Variants in DCUN1D4 observed in about 807,000 individuals in gnomAD.
DCUN1D4 encodes DCN1-like protein 4.
Under a neutral mutation model 47.9 loss-of-function variants are expected in DCUN1D4, and 22 were observed. That is an observed-to-expected ratio of 0.46 (90% CI 0.33 to 0.66). DCUN1D4 has a LOEUF of 0.66. Ranked by LOEUF, DCUN1D4 falls within the 30% of genes least tolerant of loss-of-function variation. The pLI is 0.02. For missense variants in DCUN1D4, 301 were observed against 340.8 expected (o/e 0.88, Z 0.92); for synonymous variants, 121 against 112.2 (o/e 1.08, Z -0.50).
upstream of DCUN1D4, chr4:51,843,050 C>T: frequency 2.9e-6 from 4 of 1,383,762 alleles, no homozygotes; most frequent in Non-Finnish European, 3.7e-6. Flanking sequence ...TATGGGCACT[C>T]CTTTTGTCAA....
chr4:51,903,091 G>A (rs1357279966), intron 8 of DCUN1D4, among the ~76,000 whole-genome samples: 1 of 151,990 alleles, frequency 6.6e-6, no homozygotes, highest in African/African-American at 2.4e-5. Context: ...GTCTTTTATT[G>A]TTACTCAGAA....
In DCUN1D4 at chr4:51,843,189, C is replaced by T. The variant is rs935178921; in HGVS notation, c.-54C>T. The T allele has an allele frequency of 2.0e-6, 3 of 1,535,968 alleles. No individual in the cohort carries two copies. The East Asian group carries it at 7.6e-5, about 39-fold the overall frequency. ...GAGGTGCAGTGAGCTGGTGGGGGGA[C>T]CGCGAGGCGAGCGCGGGAGCCTGGG... On this transcript the variant is annotated 5_prime_UTR_variant, in exon 1 of 11. Coordinates refer to ENST00000334635, the MANE Select transcript of DCUN1D4 (RefSeq NM_001040402.3).
At chr4:51,890,053 A>G (rs1026380299) in intron 6 of DCUN1D4, among the ~76,000 whole-genome samples, 1 of 150,174 alleles carries the variant, frequency 6.7e-6, no homozygotes, top group Non-Finnish European at 1.5e-5. Context: ...GAGGAAAACC[A>G]TAAAGTCAGC....
chr4:51,871,157 CTTAG>C (rs1021372416), intron 3 of DCUN1D4, among the ~76,000 whole-genome samples: 30 of 150,690 alleles, frequency 2.0e-4, no homozygotes, highest in South Asian at 1.9e-3. Context: ...AGTCATGCCT[CTTAG>C]TTAGGAGATA....
At chr4:51,891,954 A>G (rs995079024) in intron 7 of DCUN1D4, 103 bp downstream of exon 7, 4 of 904,356 alleles carry the variant, frequency 4.4e-6, no homozygotes, top group Non-Finnish European at 6.9e-6. Flanking sequence ...GAAGGAAGTC[A>G]GGTGGTCTGG....
chr4:51,834,099 C>CTTTTTTTTTTTTTTTTTTTTTTTTTTT, the DCUN1D4 span, among the ~76,000 whole-genome samples: 2 of 40,830 alleles, frequency 4.9e-5, no homozygotes, highest in African/African-American at 5.2e-4. Flanking sequence ...TTCTTTTCTT[C>CTTTTTTTTTTTTTTTTTTTTTTTTTTT]TTTCTTTTTT....
At chr4:51,853,879 G>A (rs1438185261) in intron 1 of DCUN1D4, among the ~76,000 whole-genome samples, 2 of 152,164 alleles carry the variant, frequency 1.3e-5, no homozygotes, top group African/African-American at 4.8e-5. Flanking sequence ...CTTCCTGCTC[G>A]CCTATGACAT....
chr4:51,911,728 A>C (rs984737036), intron 9 of DCUN1D4, among the ~76,000 whole-genome samples: 9 of 152,046 alleles, frequency 5.9e-5, no homozygotes, highest in African/African-American at 2.2e-4. Flanking sequence ...TTATTCCATC[A>C]TTGTTTGTGT....
intron 6 of DCUN1D4, among the ~76,000 whole-genome samples, chr4:51,890,607 A>T (rs1730272574): frequency 6.6e-6 from 1 of 152,208 alleles, no homozygotes; most frequent in African/African-American, 2.4e-5. Context: ...AATGGTCCTA[A>T]GAAGGCCCTG....
intron 6 of DCUN1D4, chr4:51,887,107 C>CT (rs750921506): frequency 0.028 from 9,993 of 362,936 alleles, 1 homozygote; most frequent in East Asian, 0.042. Context: ...GAAGTGATTG[C>CT]TTTTTTTTTT....
At chr4:51,866,152 T>C (rs767549767) in intron 3 of DCUN1D4, among the ~76,000 whole-genome samples, 6 of 152,174 alleles carry the variant, frequency 3.9e-5, no homozygotes, top group Admixed American at 2.0e-4. Flanking sequence ...CTTCACCTGA[T>C]CATTCCATAT....
chr4:51,868,792 T>G (rs1280825783), intron 3 of DCUN1D4, among the ~76,000 whole-genome samples: 1 of 152,096 alleles, frequency 6.6e-6, no homozygotes, highest in African/African-American at 2.4e-5. Context: ...TGGCTAATCT[T>G]GGAGAAATAG....
At position 51,915,583 on chromosome 4, in the gene DCUN1D4, AG is replaced by A. The variant is rs754195536; in HGVS notation, c.*2000del. On this transcript the variant is annotated 3_prime_UTR_variant, in exon 11 of 11. Coordinates refer to ENST00000334635, the MANE Select transcript of DCUN1D4 (RefSeq NM_001040402.3). ...TCAAAATTATTCCATAAAGTTAAAA[AG>A]TTACACTTTAAAGGCAACAGGTCAT... 2.6e-5 allele frequency: 4 copies of A among 152,676 alleles called. No homozygotes were observed. Among genetic ancestry groups the A allele is most frequent in the Middle Eastern group, 6.8e-3 (2 of 294 alleles). The allele number at this position is 152,676 out of a possible 1,614,324, so 9.5% of individuals were successfully genotyped here. A position where few individuals can be genotyped will look rare whatever the true frequency, so the allele number is the denominator to read the frequency against.
chr4:51,862,734 C>T (rs113604959), intron 1 of DCUN1D4, among the ~76,000 whole-genome samples: 14 of 152,070 alleles, frequency 9.2e-5, no homozygotes, highest in Non-Finnish European at 1.3e-4. Flanking sequence ...TGAGGCTGCG[C>T]GTAGTGGCCC....
At chr4:51,884,329 A>G (rs1729134717) in intron 5 of DCUN1D4, 1 of 152,100 alleles carries the variant, frequency 6.6e-6, no homozygotes, top group African/African-American at 2.4e-5. Flanking sequence ...TGTTAGTGAA[A>G]GTCTTGTTGT....
chr4:51,843,407 C>T (rs941692374), intron 1 of DCUN1D4, 140 bp downstream of exon 1: 1 of 1,269,394 alleles, frequency 7.9e-7, no homozygotes, highest in Non-Finnish European at 1.0e-6. Flanking sequence ...CTTCCCCTCC[C>T]GGGGCCGGGG....
intron 1 of DCUN1D4, among the ~76,000 whole-genome samples, chr4:51,856,626 A>G (rs1560458528): frequency 6.6e-6 from 1 of 152,220 alleles, no homozygotes; most frequent in African/African-American, 2.4e-5. Flanking sequence ...ATTGGGAGTT[A>G]GAAGATAAGA....
At chr4:51,838,641 C>T (rs1005391571), upstream of DCUN1D4, among the ~76,000 whole-genome samples, 5 of 152,134 alleles carry the variant, frequency 3.3e-5, no homozygotes, top group Admixed American at 1.3e-4. Context: ...CCTCAGCCTC[C>T]GAAAGTGCTG....
At chr4:51,896,896 C>CTACAAAA (rs1228018023) in intron 7 of DCUN1D4, among the ~76,000 whole-genome samples, 1 of 152,182 alleles carries the variant, frequency 6.6e-6, no homozygotes, top group Non-Finnish European at 1.5e-5. Context: ...TCACTGTGGA[C>CTACAAAA]TACAAAAGCC....
Sources: gnomAD v4.1 joint callset for allele counts (sites outside exome capture counted in the v4.1 genomes callset) on GRCh38, gnomAD v4.1.1 for gene constraint, MANE v1.5 for transcripts, NCBI Gene and HGNC (gene_info 2026-07-23, HGNC 2026-07-21) for gene names.